MYRFL: variants seen among roughly 807,000 people sequenced by gnomAD.
The protein encoded by MYRFL is myelin regulatory factor-like protein.
In MYRFL, 88 loss-of-function variants were observed where a neutral mutation model predicts 109.4. The ratio of observed to expected loss-of-function variants is 0.80; its 90% confidence interval spans 0.68 to 0.96. The LOEUF is 0.96. MYRFL is among the 40% of genes least tolerant of loss of function. The pLI, the probability that MYRFL is intolerant of heterozygous loss-of-function variation, is 0.00. For missense variants in MYRFL, 957 were observed against 954.9 expected, an observed-to-expected ratio of 1.00 and a Z score of -0.03; for synonymous variants, 324 against 320.9, an observed-to-expected ratio of 1.01 and a Z score of -0.10.
intron 1 of MYRFL, among the ~76,000 whole-genome samples, chr12:69,843,380 A>G (rs961984118): frequency 1.6e-4 from 25 of 152,208 alleles, no homozygotes; most frequent in African/African-American, 5.1e-4. Flanking sequence ...TCATCTTGCC[A>G]GTTGTCTGAA....
chr12:69,841,769 C>T (rs1197436797), intron 1 of MYRFL, among the ~76,000 whole-genome samples: 1 of 152,176 alleles, frequency 6.6e-6, no homozygotes, highest in African/African-American at 2.4e-5. Flanking sequence ...TCTGTTGTCA[C>T]ATTATCTTGC....
chr12:69,939,330 C>T (rs1342368108), intron 19 of MYRFL, among the ~76,000 whole-genome samples: 10 of 152,144 alleles, frequency 6.6e-5, no homozygotes, highest in South Asian at 2.1e-4. Flanking sequence ...TCTCCCAGCA[C>T]GCAGCTGGAG....
intron 15 of MYRFL, among the ~76,000 whole-genome samples, chr12:69,931,148 T>A (rs2120463885): frequency 6.6e-6 from 1 of 152,296 alleles, no homozygotes; most frequent in East Asian, 1.9e-4. Flanking sequence ...CATTTCTCTA[T>A]ATTAGGTCAA....
intron 13 of MYRFL, 120 bp downstream of exon 13, chr12:69,911,050 A>C: frequency 5.0e-6 from 3 of 605,308 alleles, no homozygotes; most frequent in Non-Finnish European, 5.7e-6. Flanking sequence ...ATAATTCTTC[A>C]CTGAGTTGTG....
chr12:69,899,752 T>C (rs1191490319), intron 10 of MYRFL, among the ~76,000 whole-genome samples: 1 of 152,110 alleles, frequency 6.6e-6, no homozygotes, highest in African/African-American at 2.4e-5. Context: ...AGAATTCTGC[T>C]TGGAGAGAGA....
At position 69,915,174 on chromosome 12, in the gene MYRFL, C is replaced by T. The variant is rs539788909; in HGVS notation, c.1602+4244C>T. Among the ~76,000 whole-genome samples the T allele has an allele frequency of 5.8e-4, 89 of 152,236 alleles. 1 individual carries two copies. The highest frequency in any genetic ancestry group is 3.4e-3 in the Middle Eastern group (1 of 294). On this transcript the variant is annotated intron_variant, in intron 13 of 24. Coordinates refer to ENST00000552032, the MANE Select transcript of MYRFL (RefSeq NM_182530.3). ...ATTGTAAAACAAGCAGTATGTACAG[C>T]GAGCCTCTTGCTTTCCTGGACTTTT...
chr12:69,925,937 C>T (rs1397513640), intron 13 of MYRFL, among the ~76,000 whole-genome samples: 1 of 152,086 alleles, frequency 6.6e-6, no homozygotes, highest in Non-Finnish European at 1.5e-5. Context: ...TCTGGAGTCT[C>T]ACTTCTAGCA....
At chr12:69,873,108 A>G (rs1885450497) in intron 2 of MYRFL, among the ~76,000 whole-genome samples, 1 of 152,154 alleles carries the variant, frequency 6.6e-6, no homozygotes, top group Non-Finnish European at 1.5e-5. Flanking sequence ...CTTTCTTTAC[A>G]GTTTCATGAA....
Position 69,834,564 on chromosome 12 carries a change from G to A in MYRFL, c.46+9001G>A, listed in dbSNP as rs138810689. Reference sequence around the variant, plus strand: ...CGGTTGTGAAGATTAATGATAAAACGTTAAAATGACAGAATAAATGGTAGT... The same window carrying A: ...CGGTTGTGAAGATTAATGATAAAACATTAAAATGACAGAATAAATGGTAGT... On this transcript the variant is annotated intron_variant, in intron 1 of 24. Transcript: ENST00000552032. Among the ~76,000 whole-genome samples the A allele has an allele frequency of 6.6e-4, 101 of 152,244 alleles. 1 individual carries two copies. The East Asian group carries it at 0.013, about 19-fold the overall frequency.
At chr12:69,905,028 G>A (rs931601471) in intron 11 of MYRFL, among the ~76,000 whole-genome samples, 3 of 152,164 alleles carry the variant, frequency 2.0e-5, no homozygotes, top group African/African-American at 7.2e-5. Flanking sequence ...TATTAGAAGA[G>A]CTGTGACCTA....
At chr12:69,839,890 A>G (rs985691009) in intron 1 of MYRFL, among the ~76,000 whole-genome samples, 15 of 152,330 alleles carry the variant, frequency 9.8e-5, no homozygotes, top group African/African-American at 3.6e-4. Flanking sequence ...CCTGGGTCCC[A>G]CATCCTCAAG....
In MYRFL at chr12:69,902,189, C is replaced by T. The variant is rs535117287; in HGVS notation, c.1183-1455C>T. On this transcript the variant is annotated intron_variant, in intron 10 of 24. Coordinates refer to ENST00000552032, the MANE Select transcript of MYRFL (RefSeq NM_182530.3). ...GATTACAGGTGTGAGCCACCACACA[C>T]CTGGCCTCTTTCACTGCTTCTGTTT... Among the ~76,000 whole-genome samples, 93 of 152,278 alleles carry T rather than the reference C, an allele frequency of 6.1e-4. 3 individuals carry two copies. The South Asian group carries it at 0.018, about 30-fold the overall frequency.
rs576617190 is a variant in MYRFL at position 69,855,184 on chromosome 12, GAC to G, written c.47-92_47-91del. Reference sequence around the variant, plus strand: ...TGATCCTTGTGGATACAATAAGAAAGACACAGTCCCTGACCTTAAAGATTTGT... The same window carrying G: ...TGATCCTTGTGGATACAATAAGAAAGACAGTCCCTGACCTTAAAGATTTGT... On this transcript the variant is annotated intron_variant, in intron 1 of 24. Coordinates refer to ENST00000552032, the MANE Select transcript of MYRFL (RefSeq NM_182530.3). The G allele has an allele frequency of 6.6e-4, 386 of 582,722 alleles. 1 individual carries two copies. Among genetic ancestry groups the G allele is most frequent in the African/African-American group, 6.5e-3 (352 of 54,256 alleles). The allele number at this position is 582,722 out of a possible 1,614,324, so 36.1% of individuals were successfully genotyped here.
intron 2 of MYRFL, among the ~76,000 whole-genome samples, chr12:69,875,836 G>T (rs1455497078): frequency 6.6e-6 from 1 of 152,194 alleles, no homozygotes; most frequent in Non-Finnish European, 1.5e-5. Context: ...GTGCCAAAAA[G>T]GTTGGGGATT....
At chr12:69,915,786 T>C (rs1300008267) in intron 13 of MYRFL, among the ~76,000 whole-genome samples, 1 of 152,060 alleles carries the variant, frequency 6.6e-6, no homozygotes, top group Non-Finnish European at 1.5e-5. Context: ...ATTAGACCGG[T>C]GGCAGCTTGG....
At chr12:69,835,665 G>C (rs1882892431) in intron 1 of MYRFL, among the ~76,000 whole-genome samples, 1 of 152,204 alleles carries the variant, frequency 6.6e-6, no homozygotes, top group Non-Finnish European at 1.5e-5. Context: ...TTGGATTAGG[G>C]AAGCTTGTTG....
rs773134981 is a variant in MYRFL at position 69,952,793 on chromosome 12, A to G, written c.2288-6A>G. The G allele has an allele frequency of 1.3e-6, 2 of 1,516,128 alleles. No homozygotes were observed. Among genetic ancestry groups the G allele is most frequent in the Non-Finnish European group, 1.8e-6 (2 of 1,132,208 alleles). 93.9% of individuals were successfully genotyped at this position (1,516,128 alleles called of 1,614,324 possible). A position where few individuals can be genotyped will look rare whatever the true frequency, so the allele number is the denominator to read the frequency against. On this transcript the variant is annotated splice_polypyrimidine_tract_variant and splice_region_variant and intron_variant, in intron 20 of 24. Transcript: ENST00000552032. The stretch of plus-strand genomic sequence containing the variant: ...TATTTACTTTGTCTATTTCTTCTCA[A>G]TTCAGGGATTGATACAACCATCAGT...
At chr12:69,836,804 G>T (rs1435441116) in intron 1 of MYRFL, among the ~76,000 whole-genome samples, 1 of 152,140 alleles carries the variant, frequency 6.6e-6, no homozygotes, top group Non-Finnish European at 1.5e-5. Context: ...AGGAGGTCAG[G>T]TCTGTGAAAC....
chr12:69,942,705 G>A (rs1206155751), intron 19 of MYRFL, among the ~76,000 whole-genome samples: 1 of 151,974 alleles, frequency 6.6e-6, no homozygotes, highest in Non-Finnish European at 1.5e-5. Context: ...GCAGGAGAAG[G>A]AAATAAAGGG....
Sources: gnomAD v4.1 joint callset for allele counts (sites outside exome capture counted in the v4.1 genomes callset) on GRCh38, gnomAD v4.1.1 for gene constraint, MANE v1.5 for transcripts, NCBI Gene and HGNC (gene_info 2026-07-23, HGNC 2026-07-21) for gene names.